Variants in PIN1 observed in about 807,000 individuals in gnomAD.
The protein encoded by PIN1 is peptidyl-prolyl cis-trans isomerase NIMA-interacting 1.
Under a neutral mutation model 19.9 loss-of-function variants are expected in PIN1, and 8 were observed. That is an observed-to-expected ratio of 0.40 (90% CI 0.24 to 0.72). The LOEUF is 0.72. Among genes scored for constraint, PIN1 ranks in the 30% least tolerant of loss-of-function variants. The pLI, the probability that PIN1 is intolerant of heterozygous loss-of-function variation, is 0.37. For synonymous variants in PIN1, 86 were observed against 90.8 expected (o/e 0.95, Z 0.30); for missense variants, 185 against 226.5 (o/e 0.82, Z 1.18).
intron 3 of PIN1, among the ~76,000 whole-genome samples, chr19:9,848,806 G>A (rs1317685345): frequency 1.3e-5 from 2 of 152,140 alleles, no homozygotes; most frequent in South Asian, 2.1e-4. Flanking sequence ...CCAGGGAGAC[G>A]AGTTCACTAC....
chr19:9,841,494 G>A (rs1241179127), intron 2 of PIN1, among the ~76,000 whole-genome samples: 1 of 152,214 alleles, frequency 6.6e-6, no homozygotes, highest in Non-Finnish European at 1.5e-5. Flanking sequence ...GGGAGCTAGG[G>A]GGTGATGAGA....
At chr19:9,844,311 C>T (rs1253119949) in intron 2 of PIN1, among the ~76,000 whole-genome samples, 7 of 152,140 alleles carry the variant, frequency 4.6e-5, no homozygotes, top group Admixed American at 1.3e-4. Context: ...GTGGGAGCAG[C>T]GGTTACCCCA....
intron 2 of PIN1, among the ~76,000 whole-genome samples, chr19:9,842,393 G>A (rs1168356029): frequency 6.6e-6 from 1 of 152,200 alleles, no homozygotes; most frequent in Non-Finnish European, 1.5e-5. Flanking sequence ...TGTAGAATGG[G>A]GAGAGGGTGG....
chr19:9,848,342 T>G, intron 3 of PIN1: 1 of 588,782 alleles, frequency 1.7e-6, no homozygotes, highest in East Asian at 2.9e-5. Flanking sequence ...GCTGCAGCAC[T>G]TTCTTCCTGG....
intron 1 of PIN1, chr19:9,837,035 T>G (rs1474047901): frequency 2.4e-6 from 1 of 416,124 alleles, no homozygotes; most frequent in Admixed American, 2.6e-5. Flanking sequence ...TGGCTCAGGC[T>G]GCAGTGCAGC....
rs1038081951 is a variant in PIN1 at position 9,846,713 on chromosome 19, T to TC, written c.272-1315dup. Among the ~76,000 whole-genome samples the TC allele has an allele frequency of 1.3e-5, 2 of 152,106 alleles. No individual in the cohort carries two copies. The highest frequency in any genetic ancestry group is 2.4e-5 in the African/African-American group (1 of 41,418). ...TCACCCAGCAGTGTTCCCGTGGGTC[T>TC]CCAACAGGCTCCAGGCCAGTGTATC... On this transcript the variant is annotated intron_variant, in intron 2 of 3. Coordinates refer to ENST00000247970, the MANE Select transcript of PIN1 (RefSeq NM_006221.4). The surrounding 1 kb of genome is among the most constrained non-coding windows in gnomAD (Gnocchi z 5.9).
chr19:9,847,128 A>G (rs2046226692), intron 2 of PIN1, among the ~76,000 whole-genome samples: 1 of 152,024 alleles, frequency 6.6e-6, no homozygotes, highest in African/African-American at 2.4e-5. Context: ...GCACGTGCAC[A>G]AGACTGCATA....
intron 1 of PIN1, chr19:9,836,461 G>T: frequency 5.1e-6 from 1 of 194,738 alleles, no homozygotes; most frequent in Non-Finnish European, 1.1e-5. Context: ...CGCCCACCCT[G>T]CTCTAGCCCT....
chr19:9,836,325 TCTC>T (rs1568357616), intron 1 of PIN1: 3 of 156,778 alleles, frequency 1.9e-5, no homozygotes, highest in East Asian at 1.8e-4. Flanking sequence ...TGAGGTTTGA[TCTC>T]CTTATTCTCT....
In PIN1 at chr19:9,835,368, G is replaced by T. The variant is rs772645473; in HGVS notation, c.24G>T (p.Pro8=). The T allele has an allele frequency of 2.3e-4, 357 of 1,522,278 alleles. No individual in the cohort carries two copies. Among genetic ancestry groups the T allele is most frequent in the Non-Finnish European group, 2.8e-4 (318 of 1,141,718 alleles). The allele number at this position is 1,522,278 out of a possible 1,614,324, so 94.3% of individuals were successfully genotyped here. The part of the protein sequence containing the change: MADEEKL[P]PGWEKRMSRS... ...AGATGGCGGACGAGGAGAAGCTGCC[G>T]CCCGGCTGGGAGAAGCGCATGAGCC... The change falls in exon 1 of 4, where the codon CCG becomes CCT. Residue 8 remains proline, a synonymous_variant. Transcript: ENST00000247970.
At position 9,838,438 on chromosome 19, in the gene PIN1, C is replaced by G; in HGVS notation, c.61C>G (p.Arg21Gly). ...WEKRMSRSSG[R>G]VYYFNHITNA... ...TTCCTGCCTGCCCTCCCCTCCAGGC[C>G]GAGTGTACTACTTCAACCACATCAC... Residue 21 changes from arginine to glycine, a missense_variant and splice_region_variant, in exon 2 of 4, where the codon CGA (arginine) becomes GGA (glycine). By Grantham distance (125) the Arg-to-Gly change is moderately radical (BLOSUM62 -2). Transcript: ENST00000247970. This position sits in a 1 kb window ranked among gnomAD's most constrained non-coding sequence, Gnocchi z 5.8. 1 of 1,600,992 alleles carries G rather than the reference C, an allele frequency of 6.2e-7. No individual in the cohort carries two copies. Among genetic ancestry groups the G allele is most frequent in the Non-Finnish European group, 8.5e-7 (1 of 1,175,536 alleles).
In PIN1 at chr19:9,849,248, C is replaced by A. The variant is rs753753440; in HGVS notation, c.*49C>A. 2.3e-6 allele frequency: 3 copies of A among 1,283,038 alleles called. No homozygotes were observed. The highest frequency in any genetic ancestry group is 3.3e-6 in the Non-Finnish European group (3 of 899,226). 79.5% of individuals were successfully genotyped at this position (1,283,038 alleles called of 1,614,324 possible). On this transcript the variant is annotated 3_prime_UTR_variant, in exon 4 of 4. Coordinates refer to ENST00000247970, the MANE Select transcript of PIN1 (RefSeq NM_006221.4). ...TCGGGGCAGGGCAGGGCGGCTAGGCCGGCCAGCTCCCCCTTGCCCGCCAGC... is the reference window on the plus strand; with the variant it reads ...TCGGGGCAGGGCAGGGCGGCTAGGCAGGCCAGCTCCCCCTTGCCCGCCAGC...
At chr19:9,835,444 G>T in intron 1 of PIN1, 42 bp downstream of exon 1, 1 of 1,355,492 alleles carries the variant, frequency 7.4e-7, no homozygotes, top group Non-Finnish European at 9.7e-7. Flanking sequence ...GCGCGGGCCC[G>T]CGTAAGCAGG....
intron 2 of PIN1, among the ~76,000 whole-genome samples, chr19:9,843,672 T>A (rs1399132656): frequency 6.6e-6 from 1 of 152,212 alleles, no homozygotes; most frequent in Non-Finnish European, 1.5e-5. Flanking sequence ...ACGGCTGCCC[T>A]CTCACTGTGC....
At chr19:9,840,406 C>CA (rs998279228) in intron 2 of PIN1, among the ~76,000 whole-genome samples, 32 of 150,312 alleles carry the variant, frequency 2.1e-4, no homozygotes, top group South Asian at 2.1e-3. Flanking sequence ...AAAACAAAAA[C>CA]AAAAAAAAAC....
rs748347273 is a variant in PIN1 at position 9,849,520 on chromosome 19, C to T, written c.*321C>T. ...GAAGGCCTGGTCAGCAGAGCCGCCCCGTGTCCCCCCAGGTGCTGGAGGCAG... is the reference window on the plus strand; with the variant it reads ...GAAGGCCTGGTCAGCAGAGCCGCCCTGTGTCCCCCCAGGTGCTGGAGGCAG... On this transcript the variant is annotated 3_prime_UTR_variant, in exon 4 of 4. Coordinates refer to ENST00000247970, the MANE Select transcript of PIN1 (RefSeq NM_006221.4). The T allele has an allele frequency of 6.2e-6, 4 of 644,154 alleles. No homozygotes were observed. Among genetic ancestry groups the T allele is most frequent in the Admixed American group, 3.6e-5 (2 of 55,164 alleles). The allele number at this position is 644,154 out of a possible 1,614,324, so 39.9% of individuals were successfully genotyped here.
intron 2 of PIN1, among the ~76,000 whole-genome samples, chr19:9,844,582 AG>A (rs1334007669): frequency 4.6e-5 from 7 of 152,152 alleles, no homozygotes; most frequent in Non-Finnish European, 8.8e-5. Flanking sequence ...CCAGACTGGG[AG>A]CTCCTGGAGA....
chr19:9,838,333 G>T lies in PIN1; in HGVS notation c.59-103G>T. On this transcript the variant is annotated intron_variant, in intron 1 of 3. Coordinates refer to ENST00000247970, the MANE Select transcript of PIN1 (RefSeq NM_006221.4). The surrounding 1 kb of genome is among the most constrained non-coding windows in gnomAD (Gnocchi z 5.8). ...TACACCATGGATTTGTTGAATGAAG[G>T]CGCCCCCTGCAAGCCAGGCCCTCAC... is the stretch of plus-strand genomic sequence containing the variant. 1 of 854,252 alleles carries T rather than the reference G, an allele frequency of 1.2e-6. No individual in the cohort carries two copies. The highest frequency in any genetic ancestry group is 1.9e-6 in the Non-Finnish European group (1 of 513,044). The allele number at this position is 854,252 out of a possible 1,614,324, so 52.9% of individuals were successfully genotyped here.
intron 1 of PIN1, 100 bp downstream of exon 1, chr19:9,835,502 TGG>T: frequency 2.5e-6 from 2 of 798,252 alleles, no homozygotes; most frequent in Non-Finnish European, 3.6e-6. Context: ...CTCCCTCCCA[TGG>T]GGTCCTGGCT....
Sources: allele counts gnomAD v4.1 joint callset (sites outside exome capture counted in the v4.1 genomes callset), GRCh38; gene constraint gnomAD v4.1.1; non-coding constraint Gnocchi (gnomAD v3.1); transcripts MANE v1.5; gene names NCBI Gene and HGNC (gene_info 2026-07-23, HGNC 2026-07-21).